The following PYGB variants were observed in gnomAD, a reference collection of about 807,000 sequenced individuals.
PYGB encodes glycogen phosphorylase B.
In PYGB, 82 loss-of-function variants were observed where a neutral mutation model predicts 94.3. The ratio of observed to expected loss-of-function variants is 0.87; its 90% confidence interval spans 0.73 to 1.04. PYGB has a LOEUF of 1.04. PYGB is among the 50% of genes least tolerant of loss of function. PYGB has a pLI of 0.00. For synonymous variants in PYGB, 488 were observed against 479.1 expected (o/e 1.02, Z -0.24); for missense variants, 1,132 against 1,158.2 (o/e 0.98, Z 0.33).
intron 16 of PYGB, among the ~76,000 whole-genome samples, chr20:25,292,168 A>G (rs2088473467): frequency 1.3e-5 from 2 of 152,154 alleles, no homozygotes; most frequent in African/African-American, 4.8e-5. Context: ...AGGAGCCCCC[A>G]TCTTGGACCT....
chr20:25,294,906 G>A, intron 18 of PYGB: 1 of 1,549,800 alleles, frequency 6.5e-7, no homozygotes, highest in Non-Finnish European at 8.8e-7. Flanking sequence ...TCCACTTTCA[G>A]CTGCCTTTGG....
intron 2 of PYGB, among the ~76,000 whole-genome samples, chr20:25,264,077 A>G (rs935022243): frequency 1.5e-4 from 23 of 152,224 alleles, no homozygotes; most frequent in Admixed American, 1.5e-3. Context: ...AAGCTTATCC[A>G]CCATGATCAA....
At chr20:25,279,685 C>A (rs1245290572) in intron 9 of PYGB, among the ~76,000 whole-genome samples, 1 of 152,066 alleles carries the variant, frequency 6.6e-6, no homozygotes, top group Non-Finnish European at 1.5e-5. Flanking sequence ...TACAGCAAGA[C>A]CCCACCTCTA....
intron 1 of PYGB, among the ~76,000 whole-genome samples, chr20:25,251,864 C>A (rs1001982572): frequency 6.6e-6 from 1 of 152,182 alleles, no homozygotes; most frequent in Admixed American, 6.5e-5. Flanking sequence ...ACACTGCTGT[C>A]CTAAATATTC....
At chr20:25,282,744 G>C (rs1359549026) in intron 12 of PYGB, among the ~76,000 whole-genome samples, 2 of 152,196 alleles carry the variant, frequency 1.3e-5, no homozygotes, top group East Asian at 1.9e-4. Flanking sequence ...GATGGGCCTG[G>C]GTACAGTGAG....
At chr20:25,284,679 G>C (rs553463750) in intron 14 of PYGB, among the ~76,000 whole-genome samples, 23 of 152,350 alleles carry the variant, frequency 1.5e-4, no homozygotes, top group Admixed American at 7.8e-4. Flanking sequence ...ACCCACTTCT[G>C]CCTCCCAAAA....
chr20:25,261,667 C>T lies in PYGB; in HGVS notation c.345+2329C>T, dbSNP rs576641614. On this transcript the variant is annotated intron_variant, in intron 2 of 19. Coordinates refer to ENST00000216962, the MANE Select transcript of PYGB (RefSeq NM_002862.4). The stretch of plus-strand genomic sequence containing the variant: ...TGAGTTGAGAGGAGAAGGCTTCAGA[C>T]GATCAAACTTCTCCGAGCTAAAGGA... Among the ~76,000 whole-genome samples the T allele has an allele frequency of 2.5e-4, 38 of 152,156 alleles. 1 individual carries two copies. The South Asian group carries it at 4.8e-3, about 19-fold the overall frequency.
intron 1 of PYGB, among the ~76,000 whole-genome samples, chr20:25,256,597 A>G (rs1470932259): frequency 6.6e-6 from 1 of 152,236 alleles, no homozygotes; most frequent in Non-Finnish European, 1.5e-5. Context: ...AGAAAGATCA[A>G]TGGCCCAGTT....
At chr20:25,252,924 C>T (rs2092892327) in intron 1 of PYGB, among the ~76,000 whole-genome samples, 1 of 152,238 alleles carries the variant, frequency 6.6e-6, no homozygotes, top group Non-Finnish European at 1.5e-5. Context: ...AGCTGGTTCC[C>T]CTGGCAGCCA....
chr20:25,258,059 A>G (rs771742453), intron 1 of PYGB, among the ~76,000 whole-genome samples: 1 of 152,226 alleles, frequency 6.6e-6, no homozygotes, highest in Non-Finnish European at 1.5e-5. Flanking sequence ...AGGACTTTGG[A>G]ATTTATACAG....
intron 4 of PYGB, among the ~76,000 whole-genome samples, chr20:25,274,009 C>G (rs1402406974): frequency 6.6e-6 from 1 of 152,210 alleles, no homozygotes; most frequent in Non-Finnish European, 1.5e-5. Context: ...CTCCGCCTGG[C>G]CAGTGTGTCC....
chr20:25,274,532 A>C, intron 4 of PYGB, 60 bp from the exon 5 acceptor site: 1 of 1,587,112 alleles, frequency 6.3e-7, no homozygotes, highest in Non-Finnish European at 8.6e-7. Context: ...TGGGTCCAGG[A>C]CAGGGCGGTG....
At chr20:25,260,879 T>C (rs1418026281) in intron 2 of PYGB, among the ~76,000 whole-genome samples, 1 of 152,198 alleles carries the variant, frequency 6.6e-6, no homozygotes, top group Non-Finnish European at 1.5e-5. Context: ...CCTCACTCAT[T>C]GCTAGCACAA....
intron 2 of PYGB, among the ~76,000 whole-genome samples, 178 bp from the exon 3 acceptor site, chr20:25,268,951 G>A (rs2088242556): frequency 1.3e-5 from 2 of 152,162 alleles, no homozygotes; most frequent in African/African-American, 2.4e-5. Flanking sequence ...GAAATATTTG[G>A]AAACTTTCAT....
chr20:25,256,495 C>CAAA (rs1240050396), intron 1 of PYGB, among the ~76,000 whole-genome samples: 1 of 120,118 alleles, frequency 8.3e-6, no homozygotes, highest in African/African-American at 3.3e-5. Flanking sequence ...AACTCTGTCT[C>CAAA]AAAAAAAAAA....
intron 2 of PYGB, among the ~76,000 whole-genome samples, chr20:25,263,246 C>G (rs760110556): frequency 3.3e-5 from 5 of 152,184 alleles, no homozygotes; most frequent in Middle Eastern, 6.3e-3. Flanking sequence ...TGTAAAAGAA[C>G]AGAAATTATA....
intron 1 of PYGB, among the ~76,000 whole-genome samples, chr20:25,258,763 C>T (rs1178021510): frequency 6.6e-6 from 1 of 152,286 alleles, no homozygotes; most frequent in Admixed American, 6.5e-5. Context: ...GTGCTGCGTT[C>T]ATTGGTGCTT....
rs189774475 is a variant in PYGB, at chr20:25,263,702, A to T, written c.345+4364A>T. ...CTAGAGGAAATGGATAAATTCCTGG[A>T]CACATACACCCTCCCAAGACTAAAC... On this transcript the variant is annotated intron_variant, in intron 2 of 19. Transcript: ENST00000216962. Among the ~76,000 whole-genome samples the T allele has an allele frequency of 2.0e-5, 3 of 152,352 alleles. No individual in the cohort carries two copies. The East Asian group carries it at 5.8e-4, about 29-fold the overall frequency.
intron 14 of PYGB, 114 bp downstream of exon 14, chr20:25,284,365 G>T: frequency 1.5e-6 from 2 of 1,364,762 alleles, no homozygotes; most frequent in Non-Finnish European, 2.0e-6. Flanking sequence ...GTGTGTATAG[G>T]CGTGTGCATG....
Sources: gnomAD v4.1 joint callset for allele counts (sites outside exome capture counted in the v4.1 genomes callset) on GRCh38, gnomAD v4.1.1 for gene constraint, MANE v1.5 for transcripts, NCBI Gene and HGNC (gene_info 2026-07-23, HGNC 2026-07-21) for gene names.